Variants in AKAP6 observed in about 807,000 individuals in gnomAD.
The protein encoded by AKAP6 is A-kinase anchor protein 6.
A neutral mutation model predicts 188.5 loss-of-function variants in AKAP6; 58 were observed. The ratio of observed to expected loss-of-function variants is 0.31; its 90% CI spans 0.25 to 0.38. The LOEUF (loss-of-function observed/expected upper bound fraction) is 0.38. Among genes scored for constraint, AKAP6 ranks in the 10% least tolerant of loss-of-function variants. AKAP6 has a pLI of 1.00. For synonymous variants in AKAP6, 989 were observed against 998.6 expected (o/e 0.99, Z 0.18); for missense variants, 2,710 against 2,740.0 (o/e 0.99, Z 0.24).
chr14:32,452,366 C>T (rs563172786), intron 2 of AKAP6, among the ~76,000 whole-genome samples: 1 of 152,268 alleles, frequency 6.6e-6, no homozygotes, highest in South Asian at 2.1e-4. Flanking sequence ...CATATTAATC[C>T]ACTGCCTGGC....
At chr14:32,330,981 A>G (rs1330259395) in intron 1 of AKAP6, among the ~76,000 whole-genome samples, 1 of 152,020 alleles carries the variant, frequency 6.6e-6, no homozygotes, top group Non-Finnish European at 1.5e-5. Flanking sequence ...ATGTGAGCAG[A>G]AAGCTCTGCT....
chr14:32,803,456 T>G (rs2300854), intron 12 of AKAP6, among the ~76,000 whole-genome samples: 29,267 of 152,074 alleles, frequency 0.19, 3,778 homozygotes, highest in African/African-American at 0.37. Context: ...CTAAAAAAAT[T>G]CCTACAGAAT....
At chr14:32,805,007 A>G (rs752740547) in intron 12 of AKAP6, among the ~76,000 whole-genome samples, 1 of 152,110 alleles carries the variant, frequency 6.6e-6, no homozygotes, top group Non-Finnish European at 1.5e-5. Context: ...TTCTTTTTCA[A>G]GGTGCACTGA....
At chr14:32,706,300 G>A in intron 9 of AKAP6, among the ~76,000 whole-genome samples, 1 of 152,110 alleles carries the variant, frequency 6.6e-6, no homozygotes, top group East Asian at 1.9e-4. Flanking sequence ...GATAGACTTG[G>A]GTTGGCTCTT....
At position 32,455,154 on chromosome 14, in the gene AKAP6, A is replaced by AT. The variant is rs112823933; in HGVS notation, c.324+21348dup. On this transcript the variant is annotated intron_variant, in intron 2 of 13. Transcript: ENST00000280979. ...CTATTTTTGTTTCAATTAAAAAACA[A>AT]TTTTTTTTTTTAGAGATGGGCCTCA... 2.4e-3 allele frequency among the ~76,000 whole-genome samples: 345 copies of AT among 144,962 alleles called. 1 individual carries two copies. The highest frequency in any genetic ancestry group is 6.6e-3 in the African/African-American group (262 of 39,574).
chr14:32,636,457 T>A (rs1167526351), intron 7 of AKAP6, among the ~76,000 whole-genome samples: 1 of 152,094 alleles, frequency 6.6e-6, no homozygotes, highest in Non-Finnish European at 1.5e-5. Flanking sequence ...TTCGAGTTCT[T>A]CTATATAGAT....
At chr14:32,523,214 A>T (rs956862643) in intron 2 of AKAP6, among the ~76,000 whole-genome samples, 14 of 152,130 alleles carry the variant, frequency 9.2e-5, no homozygotes, top group African/African-American at 3.4e-4. Flanking sequence ...ACATTAGGAG[A>T]TATACCTAAT....
intron 7 of AKAP6, among the ~76,000 whole-genome samples, chr14:32,676,430 G>A (rs1257739239): frequency 6.6e-6 from 1 of 152,052 alleles, no homozygotes; most frequent in Non-Finnish European, 1.5e-5. Context: ...TATATGTGCT[G>A]TTAACATTCT....
intron 3 of AKAP6, among the ~76,000 whole-genome samples, chr14:32,542,030 G>T (rs892245718): frequency 6.6e-6 from 1 of 152,056 alleles, no homozygotes; most frequent in Non-Finnish European, 1.5e-5. Context: ...AACATTCATT[G>T]AGCACTCATC....
At chr14:32,520,714 C>T (rs1016780037) in intron 2 of AKAP6, among the ~76,000 whole-genome samples, 1 of 152,080 alleles carries the variant, frequency 6.6e-6, no homozygotes, top group Non-Finnish European at 1.5e-5. Flanking sequence ...AGCCTACCAA[C>T]CAAAAAAAGT....
At chr14:32,359,616 G>A (rs944654097) in intron 1 of AKAP6, among the ~76,000 whole-genome samples, 1 of 150,520 alleles carries the variant, frequency 6.6e-6, no homozygotes, top group African/African-American at 2.5e-5. Flanking sequence ...CCAATCCAGG[G>A]TCCTACATTG....
intron 1 of AKAP6, among the ~76,000 whole-genome samples, chr14:32,340,421 T>C (rs1886854054): frequency 1.3e-5 from 2 of 152,328 alleles, no homozygotes; most frequent in African/African-American, 4.8e-5. Context: ...CCTGAATTTT[T>C]AGTCCCTGCT....
At chr14:32,613,823 C>T (rs1429434958) in intron 7 of AKAP6, among the ~76,000 whole-genome samples, 1 of 152,174 alleles carries the variant, frequency 6.6e-6, no homozygotes, top group Non-Finnish European at 1.5e-5. Flanking sequence ...TTTAAAATGG[C>T]AACTTTCTGG....
chr14:32,467,210 AG>A (rs1332989026), intron 2 of AKAP6, among the ~76,000 whole-genome samples: 48 of 124,366 alleles, frequency 3.9e-4, no homozygotes, highest in African/African-American at 1.1e-3. Context: ...AAAAGTTGGA[AG>A]GAAAAAAAAA....
rs1168127601 is a variant in AKAP6 at position 32,834,753 on chromosome 14, C to G, written c.*4948C>G. 1 of 151,970 alleles carries G rather than the reference C, an allele frequency of 6.6e-6. No homozygotes were observed. Among genetic ancestry groups the G allele is most frequent in the African/African-American group, 2.4e-5 (1 of 41,372 alleles). 9.4% of individuals were successfully genotyped at this position (151,970 alleles called of 1,614,324 possible). On this transcript the variant is annotated 3_prime_UTR_variant, in exon 14 of 14. Transcript: ENST00000280979. ...AGGTGACTTTGCATTCACAGCCACT[C>G]TTTAATGAAGATTGATTGAATAACT...
At chr14:32,467,077 G>GA (rs1209268906) in intron 2 of AKAP6, among the ~76,000 whole-genome samples, 1 of 151,350 alleles carries the variant, frequency 6.6e-6, no homozygotes, top group Admixed American at 6.6e-5. Flanking sequence ...GGTACGGATG[G>GA]AAAAACTACC....
Position 32,577,164 on chromosome 14 carries a change from A to G in AKAP6, c.2391A>G (p.Glu797=). The G allele has an allele frequency of 6.2e-7, 1 of 1,612,522 alleles. No individual in the cohort carries two copies. The highest frequency in any genetic ancestry group is 8.5e-7 in the Non-Finnish European group (1 of 1,179,208). ...ATGAATTCATTCAATGGTTAAATGA[A>G]GCCATGGAAACTACAGAAAATTGGA... The part of the protein sequence containing the change: ...KLDEFIQWLN[E]AMETTENWTP... Residue 797 remains glutamate (E), a synonymous_variant, in exon 5 of 14, where the codon GAA becomes GAG. Transcript: ENST00000280979.
chr14:32,382,045 C>T (rs1566474815), intron 1 of AKAP6, among the ~76,000 whole-genome samples: 1 of 152,146 alleles, frequency 6.6e-6, no homozygotes, highest in South Asian at 2.1e-4. Flanking sequence ...TTCTGGGCCT[C>T]AGTAATCTTA....
In AKAP6 at chr14:32,619,872, G is replaced by A. The variant is rs1594787575; in HGVS notation, c.2730+19080G>A. On this transcript the variant is annotated intron_variant, in intron 7 of 13. Coordinates refer to ENST00000280979, the MANE Select transcript of AKAP6 (RefSeq NM_004274.5). ...TCAGCAGTGTTTTGTAGTTCTCCTT[G>A]TAGAGATTTTTCACCTCCTTGGTTA... Among the ~76,000 whole-genome samples the A allele has an allele frequency of 2.0e-5, 3 of 152,098 alleles. No individual in the cohort carries two copies. The East Asian group carries it at 5.8e-4, about 29-fold the overall frequency.
Sources: gnomAD v4.1 joint callset for allele counts (sites outside exome capture counted in the v4.1 genomes callset) on GRCh38, gnomAD v4.1.1 for gene constraint, MANE v1.5 for transcripts, NCBI Gene and HGNC (gene_info 2026-07-23, HGNC 2026-07-21) for gene names.